NIPA2: variants seen among roughly 807,000 people sequenced by gnomAD.
The protein encoded by NIPA2 is NIPA magnesium transporter 2.
In NIPA2, 11 loss-of-function variants were observed where a neutral mutation model predicts 29.7. The observed-to-expected ratio is 0.37, with a 90% confidence interval of 0.23 to 0.61. NIPA2 has a LOEUF of 0.61. Among genes scored for constraint, NIPA2 ranks in the 20% least tolerant of loss-of-function variants. The probability of loss-of-function intolerance (pLI) is 0.66; values close to 1 mark genes in which losing one functional copy is unlikely to be tolerated. For missense variants in NIPA2, 426 were observed against 437.9 expected (o/e 0.97, Z 0.24); for synonymous variants, 183 against 161.9 (o/e 1.13, Z -0.99).
chr15:22,842,859 C>G (rs1419675463), intron 2 of NIPA2, among the ~76,000 whole-genome samples: 1 of 151,444 alleles, frequency 6.6e-6, no homozygotes, highest in African/African-American at 2.4e-5. Flanking sequence ...AAAAATTTGC[C>G]TAGTGTAGTG....
chr15:22,863,704 A>C (rs537581211), intron 7 of NIPA2, among the ~76,000 whole-genome samples: 1 of 152,278 alleles, frequency 6.6e-6, no homozygotes, highest in African/African-American at 2.4e-5. Flanking sequence ...CCCAAATTCC[A>C]ACTTGTTTTT....
intron 3 of NIPA2, among the ~76,000 whole-genome samples, chr15:22,851,088 C>T (rs942216578): frequency 4.6e-5 from 7 of 152,116 alleles, no homozygotes; most frequent in Admixed American, 3.3e-4. Context: ...CCATACTGCA[C>T]GCCCCAGCAG....
intron 3 of NIPA2, among the ~76,000 whole-genome samples, chr15:22,847,352 T>TA (rs1199161276): frequency 6.6e-6 from 1 of 152,212 alleles, no homozygotes; most frequent in African/African-American, 2.4e-5. Context: ...CCATAGAACT[T>TA]AAAGTATATA....
intron 1 of NIPA2, 95 bp downstream of exon 1, chr15:22,839,016 A>G (rs1271160490): frequency 2.0e-5 from 3 of 152,182 alleles, no homozygotes; most frequent in Non-Finnish European, 2.9e-5. Flanking sequence ...TCTTCGGGCA[A>G]CTTTCCTTTC....
intron 3 of NIPA2, among the ~76,000 whole-genome samples, chr15:22,849,857 C>T (rs538081460): frequency 1.3e-5 from 2 of 151,976 alleles, no homozygotes; most frequent in East Asian, 1.9e-4. Context: ...CCACCGCGCC[C>T]GACCCAGTGT....
chr15:22,856,328 T>G (rs953342294), intron 5 of NIPA2, among the ~76,000 whole-genome samples: 1 of 151,954 alleles, frequency 6.6e-6, no homozygotes. Flanking sequence ...TTCTAGAGTA[T>G]TCAGTTAAAA....
At chr15:22,856,391 C>CT (rs11410234) in intron 5 of NIPA2, among the ~76,000 whole-genome samples, 12,118 of 146,468 alleles carry the variant, frequency 0.083, 952 homozygotes, top group African/African-American at 0.21. Context: ...TTTCTCCAAG[C>CT]TTTTTTTTTT....
intron 7 of NIPA2, among the ~76,000 whole-genome samples, chr15:22,861,720 G>C (rs1444588876): frequency 1.3e-5 from 2 of 151,930 alleles, no homozygotes; most frequent in African/African-American, 4.8e-5. Flanking sequence ...GTCCATTTTT[G>C]TCCATTGTGC....
In NIPA2 at chr15:22,867,361, CTGAA is replaced by C. The variant is rs2059172591; in HGVS notation, c.*519_*522del. Reference sequence around the variant, plus strand: ...TATTTATTAAGGGAAAACTAAGTTACTGAATGAAGGAACCTCTTTCTTACAAAAC... The same window carrying C: ...TATTTATTAAGGGAAAACTAAGTTACTGAAGGAACCTCTTTCTTACAAAAC... On this transcript the variant is annotated 3_prime_UTR_variant, in exon 8 of 8. Coordinates refer to ENST00000337451, the MANE Select transcript of NIPA2 (RefSeq NM_030922.7). The C allele has an allele frequency of 2.5e-6, 1 of 393,718 alleles. No homozygotes were observed. Among genetic ancestry groups the C allele is most frequent in the Non-Finnish European group, 4.5e-6 (1 of 223,668 alleles). 24.4% of individuals were successfully genotyped at this position (393,718 alleles called of 1,614,324 possible).
intron 3 of NIPA2, among the ~76,000 whole-genome samples, chr15:22,846,393 T>G (rs1324581983): frequency 6.6e-6 from 1 of 152,200 alleles, no homozygotes; most frequent in African/African-American, 2.4e-5. Context: ...CATGTAATAC[T>G]GGCTCTTAAT....
chr15:22,853,075 G>C (rs2057894365), intron 4 of NIPA2, 137 bp from the exon 5 acceptor site: 6 of 591,392 alleles, frequency 1.0e-5, no homozygotes, highest in Non-Finnish European at 1.8e-5. Flanking sequence ...GAAATTGTCA[G>C]AGAAATCCCG....
At chr15:22,864,794 G>A (rs945384641) in intron 7 of NIPA2, among the ~76,000 whole-genome samples, 9 of 152,146 alleles carry the variant, frequency 5.9e-5, no homozygotes, top group African/African-American at 1.9e-4. Flanking sequence ...GTAGGATTCC[G>A]CTTTCTTGGA....
intron 2 of NIPA2, among the ~76,000 whole-genome samples, chr15:22,841,158 A>T (rs1896987600): frequency 6.6e-6 from 1 of 152,180 alleles, no homozygotes; most frequent in African/African-American, 2.4e-5. Context: ...TGCTTTTGTC[A>T]TAAAAAAGTA....
chr15:22,854,506 A>C (rs1325229147), intron 5 of NIPA2, among the ~76,000 whole-genome samples: 1 of 150,316 alleles, frequency 6.7e-6, no homozygotes, highest in Non-Finnish European at 1.5e-5. Flanking sequence ...GCACTTTGGG[A>C]GGCCAAGGCG....
intron 7 of NIPA2, among the ~76,000 whole-genome samples, chr15:22,862,384 A>AT (rs1470182928): frequency 6.6e-6 from 1 of 152,082 alleles, no homozygotes; most frequent in East Asian, 1.9e-4. Flanking sequence ...TGGGAACTGA[A>AT]TTGAATACTC....
intron 3 of NIPA2, among the ~76,000 whole-genome samples, chr15:22,847,007 G>A (rs544971153): frequency 1.3e-5 from 2 of 151,078 alleles, no homozygotes; most frequent in East Asian, 3.9e-4. Flanking sequence ...GGGTTCAAGC[G>A]ATTCTCCTGC....
intron 4 of NIPA2, among the ~76,000 whole-genome samples, chr15:22,852,830 A>G (rs1463173351): frequency 6.6e-6 from 1 of 152,170 alleles, no homozygotes; most frequent in Non-Finnish European, 1.5e-5. Context: ...CTGCCTTGGC[A>G]GGAAACAGTA....
chr15:22,864,406 G>A (rs1446558954), intron 7 of NIPA2, among the ~76,000 whole-genome samples: 2 of 152,128 alleles, frequency 1.3e-5, no homozygotes, highest in Non-Finnish European at 2.9e-5. Flanking sequence ...CGCCCACCTC[G>A]GCCGCCCAAA....
intron 5 of NIPA2, among the ~76,000 whole-genome samples, chr15:22,853,633 C>T (rs35637579): frequency 0.14 from 20,710 of 152,032 alleles, 1,702 homozygotes; most frequent in Admixed American, 0.26. Flanking sequence ...GCCTTGCCCT[C>T]GCAAAGTGCT....
Sources: gnomAD v4.1 joint callset for allele counts (sites outside exome capture counted in the v4.1 genomes callset) on GRCh38, gnomAD v4.1.1 for gene constraint, MANE v1.5 for transcripts, NCBI Gene and HGNC (gene_info 2026-07-23, HGNC 2026-07-21) for gene names.